The following CERS4 variants were observed in gnomAD, a reference collection of about 807,000 sequenced individuals.
The protein encoded by CERS4 is ceramide synthase 4, also known as LAG1 homolog, ceramide synthase 4.
A neutral mutation model predicts 51.8 loss-of-function variants in CERS4; 65 were observed. That is an observed-to-expected ratio of 1.26 (90% CI 1.03 to 1.54). The LOEUF (loss-of-function observed/expected upper bound fraction) is 1.54, where lower values mean the gene tolerates loss of function less well. Ranked by LOEUF, CERS4 falls within the 40% of genes most tolerant of loss-of-function variation. The pLI is 0.00. For missense variants in CERS4, 563 were observed against 500.4 expected (o/e 1.13, Z -1.19); for synonymous variants, 228 against 208.4 (o/e 1.09, Z -0.81).
intron 4 of CERS4, 48 bp downstream of exon 4, chr19:8,254,664 G>C: frequency 6.6e-7 from 1 of 1,524,170 alleles, no homozygotes; most frequent in Non-Finnish European, 8.9e-7. Flanking sequence ...CCTGGGGGTG[G>C]GGCGTGGGGA....
intron 2 of CERS4, among the ~76,000 whole-genome samples, chr19:8,235,039 A>T (rs2927721): frequency 1.4e-5 from 2 of 139,958 alleles, no homozygotes; most frequent in African/African-American, 2.7e-5. Flanking sequence ...ACAGAGTTTC[A>T]CTCTTGTTGC....
chr19:8,223,390 G>C (rs1967643301), intron 2 of CERS4, among the ~76,000 whole-genome samples: 1 of 151,450 alleles, frequency 6.6e-6, no homozygotes, highest in Admixed American at 6.6e-5. Flanking sequence ...CTGAGAGGTG[G>C]GAGGATCACT....
intron 2 of CERS4, among the ~76,000 whole-genome samples, chr19:8,248,673 GGATGGATGAATGGATGGGGA>G (rs1331082665): frequency 7.2e-5 from 11 of 151,732 alleles, no homozygotes; most frequent in African/African-American, 1.9e-4. Flanking sequence ...GTGGACAGAT[GGATGGATGAATGGATGGGGA>G]GATGGATGAA....
intron 3 of CERS4, among the ~76,000 whole-genome samples, chr19:8,252,429 C>T (rs1207077227): frequency 2.1e-5 from 2 of 94,322 alleles, no homozygotes; most frequent in Non-Finnish European, 4.3e-5. Context: ...GGCATGCCAC[C>T]ATGGCTGGCT....
chr19:8,217,386 T>G (rs990311311), intron 2 of CERS4, among the ~76,000 whole-genome samples: 2 of 152,052 alleles, frequency 1.3e-5, no homozygotes, highest in Non-Finnish European at 2.9e-5. Context: ...AATTTTTTTT[T>G]GAGACAGAGT....
chr19:8,236,217 C>A (rs1295723300), intron 2 of CERS4, among the ~76,000 whole-genome samples: 1 of 151,998 alleles, frequency 6.6e-6, no homozygotes, highest in East Asian at 1.9e-4. Context: ...AAAATGCCTT[C>A]TAGTTGAAAA....
chr19:8,254,916 C>A (rs1969298781), intron 4 of CERS4, among the ~76,000 whole-genome samples: 2 of 152,124 alleles, frequency 1.3e-5, no homozygotes, highest in South Asian at 4.1e-4. Flanking sequence ...GGGCCCCTCC[C>A]CTCCCAGCCT....
chr19:8,212,592 C>T (rs1967122529), intron 2 of CERS4, among the ~76,000 whole-genome samples: 1 of 151,850 alleles, frequency 6.6e-6, no homozygotes, highest in African/African-American at 2.4e-5. Flanking sequence ...TCTTGAAACC[C>T]CTGTTTGATA....
At chr19:8,231,542 CTCTTT>C (rs1457851281) in intron 2 of CERS4, among the ~76,000 whole-genome samples, 3 of 151,786 alleles carry the variant, frequency 2.0e-5, no homozygotes, top group South Asian at 2.1e-4. Context: ...CCATCTCTGG[CTCTTT>C]TCTTTTCTTT....
intron 2 of CERS4, among the ~76,000 whole-genome samples, chr19:8,219,698 A>C (rs1216030190): frequency 6.6e-6 from 1 of 152,126 alleles, no homozygotes; most frequent in Non-Finnish European, 1.5e-5. Flanking sequence ...ACATACCTGT[A>C]ACTCCAGCTA....
At chr19:8,214,923 G>A (rs979662809) in intron 2 of CERS4, among the ~76,000 whole-genome samples, 1 of 149,956 alleles carries the variant, frequency 6.7e-6, no homozygotes, top group Non-Finnish European at 1.5e-5. Context: ...AGGAGGAAGA[G>A]GAAAGGGAGG....
At chr19:8,253,613 C>T (rs948497010) in intron 3 of CERS4, among the ~76,000 whole-genome samples, 9 of 151,872 alleles carry the variant, frequency 5.9e-5, no homozygotes, top group African/African-American at 2.2e-4. Flanking sequence ...TACAGGGGCC[C>T]GCCACCTCGC....
chr19:8,261,830 A>G lies in CERS4; in HGVS notation c.991A>G (p.Met331Val). The change falls in exon 11 of 12, where the codon ATG becomes GTG. Residue 331 changes from methionine to valine, a missense_variant. Coordinates refer to ENST00000251363, the MANE Select transcript of CERS4 (RefSeq NM_024552.3). ...CLILRMLYSF[M>V]KKGQMEKDIR... is the part of the protein sequence containing the mutation. ...CATTCTGCGCATGCTCTATAGCTTCATGAAGAAGGGCCAGGTATGGCTGGA... is the reference window on the plus strand; with the variant it reads ...CATTCTGCGCATGCTCTATAGCTTCGTGAAGAAGGGCCAGGTATGGCTGGA... The G allele has an allele frequency of 6.2e-7, 1 of 1,614,142 alleles. No individual in the cohort carries two copies. The highest frequency in any genetic ancestry group is 1.1e-5 in the South Asian group (1 of 91,080).
Position 8,256,548 on chromosome 19 carries a change from C to T in CERS4, c.520-70C>T, listed in dbSNP as rs1969393125. On this transcript the variant is annotated intron_variant, in intron 7 of 11. Coordinates refer to ENST00000251363, the MANE Select transcript of CERS4 (RefSeq NM_024552.3). ...CCTGGTTTTGAGCAAACGGAGTGGG[C>T]CCGGAGCCATACCCCTGCCCGATTG... 3 of 1,418,870 alleles carry T rather than the reference C, an allele frequency of 2.1e-6. No homozygotes were observed. The South Asian group carries it at 3.8e-5, about 18-fold the overall frequency. The allele number at this position is 1,418,870 out of a possible 1,614,324, so 87.9% of individuals were successfully genotyped here. A position where few individuals can be genotyped will look rare whatever the true frequency, so the allele number is the denominator to read the frequency against.
chr19:8,223,335 G>A (rs1967641200), intron 2 of CERS4, among the ~76,000 whole-genome samples: 1 of 151,938 alleles, frequency 6.6e-6, no homozygotes, highest in Admixed American at 6.6e-5. Flanking sequence ...AATTGGCCGG[G>A]CCGGGTGCAG....
At chr19:8,248,109 C>G (rs1351007882) in intron 2 of CERS4, among the ~76,000 whole-genome samples, 1 of 152,136 alleles carries the variant, frequency 6.6e-6, no homozygotes, top group Non-Finnish European at 1.5e-5. Context: ...TTTAAAATCA[C>G]GCCACTCTGT....
intron 2 of CERS4, among the ~76,000 whole-genome samples, chr19:8,248,002 G>A (rs1331721029): frequency 2.0e-5 from 3 of 152,100 alleles, no homozygotes; most frequent in African/African-American, 7.2e-5. Flanking sequence ...CCAAAGTGCT[G>A]GGATTACAGG....
At chr19:8,233,196 T>C (rs1037799526) in intron 2 of CERS4, among the ~76,000 whole-genome samples, 4 of 151,832 alleles carry the variant, frequency 2.6e-5, no homozygotes, top group African/African-American at 9.7e-5. Context: ...GGCGGAGTCT[T>C]GCTCTGTCAC....
chr19:8,254,861 C>T (rs1337163721), intron 4 of CERS4, among the ~76,000 whole-genome samples: 6 of 149,222 alleles, frequency 4.0e-5, no homozygotes, highest in Non-Finnish European at 9.1e-5. Context: ...TTCCAGCCTC[C>T]CTGGGAGATG....
Sources: gnomAD v4.1 joint callset for allele counts (sites outside exome capture counted in the v4.1 genomes callset) on GRCh38, gnomAD v4.1.1 for gene constraint, MANE v1.5 for transcripts, NCBI Gene and HGNC (gene_info 2026-07-23, HGNC 2026-07-21) for gene names.